Variants in GMDS observed in about 807,000 individuals in gnomAD.
GMDS encodes the protein GDP-mannose 4,6 dehydratase.
In GMDS, 20 loss-of-function variants were observed where a neutral mutation model predicts 49.9. The observed-to-expected ratio is 0.40, with a 90% CI of 0.28 to 0.58. The LOEUF is 0.58. Ranked by LOEUF, GMDS falls within the 20% of genes least tolerant of loss-of-function variation. The pLI, the probability that GMDS is intolerant of heterozygous loss-of-function variation, is 0.42. For synonymous variants in GMDS, 177 were observed against 178.6 expected (o/e 0.99, Z 0.07); for missense variants, 362 against 481.4 (o/e 0.75, Z 2.32).
At chr6:1,952,930 G>A (rs1230045584) in intron 6 of GMDS, among the ~76,000 whole-genome samples, 4 of 152,124 alleles carry the variant, frequency 2.6e-5, no homozygotes, top group Admixed American at 6.6e-5. Context: ...AGTGACTCAC[G>A]GCTGGTAACC....
At chr6:1,884,038 A>G (rs1314640834) in intron 7 of GMDS, among the ~76,000 whole-genome samples, 2 of 152,200 alleles carry the variant, frequency 1.3e-5, no homozygotes, top group Non-Finnish European at 2.9e-5. Context: ...TTTTGATTTA[A>G]TGTAATTACA....
chr6:1,652,739 G>GAC lies in GMDS; in HGVS notation c.988-28200_988-28199insGT, dbSNP rs1482372797. 8.6e-3 allele frequency among the ~76,000 whole-genome samples: 349 copies of GAC among 40,388 alleles called. 89 individuals are homozygous for GAC. Among genetic ancestry groups the GAC allele is most frequent in the African/African-American group, 0.011 (114 of 10,732 alleles). 26.5% of individuals were successfully genotyped at this position (40,388 alleles called of 152,430 possible). ...ATATATAGAGAGAGAGAGAGAGAGA[G>GAC]AGACAGACAGACAGACAGACAGACA... On this transcript the variant is annotated intron_variant, in intron 9 of 10. Coordinates refer to ENST00000380815, the MANE Select transcript of GMDS (RefSeq NM_001500.4).
chr6:1,679,246 G>T (rs1764714458), intron 9 of GMDS: 1 of 152,212 alleles, frequency 6.6e-6, no homozygotes, highest in Non-Finnish European at 1.5e-5. Context: ...GCTGGCACTG[G>T]ATCCAAACCT....
At chr6:1,938,951 T>C (rs540262198) in intron 6 of GMDS, among the ~76,000 whole-genome samples, 17 of 148,392 alleles carry the variant, frequency 1.1e-4, no homozygotes, top group Non-Finnish European at 2.2e-4. Flanking sequence ...TCCTCCCTTC[T>C]TTCCTCCCCT....
intron 8 of GMDS, among the ~76,000 whole-genome samples, chr6:1,740,444 C>T (rs1008012872): frequency 7.2e-5 from 11 of 151,762 alleles, no homozygotes; most frequent in African/African-American, 2.2e-4. Flanking sequence ...GTAATCCCAG[C>T]TACTTGGGAG....
At chr6:1,679,739 A>C (rs891193245) in intron 9 of GMDS, 2 of 152,280 alleles carry the variant, frequency 1.3e-5, no homozygotes, top group Admixed American at 1.3e-4. Flanking sequence ...CATTGCAGTC[A>C]AATAATATCT....
At chr6:1,722,750 C>T (rs1437070922) in intron 9 of GMDS, among the ~76,000 whole-genome samples, 1 of 152,210 alleles carries the variant, frequency 6.6e-6, no homozygotes, top group Non-Finnish European at 1.5e-5. Context: ...CACATTTGAG[C>T]ATAATTACCA....
At chr6:1,706,690 C>A (rs1276379854) in intron 9 of GMDS, among the ~76,000 whole-genome samples, 2 of 152,218 alleles carry the variant, frequency 1.3e-5, no homozygotes, top group Admixed American at 6.5e-5. Context: ...TGATTCCCAG[C>A]GTTTGCTCAC....
chr6:1,715,253 TAGAA>T (rs1207532270), intron 9 of GMDS, among the ~76,000 whole-genome samples: 1 of 152,224 alleles, frequency 6.6e-6, no homozygotes, highest in African/African-American at 2.4e-5. Context: ...GAATCTCAAA[TAGAA>T]AGAGGAACAT....
At chr6:2,075,849 T>A (rs2127463132) in intron 4 of GMDS, among the ~76,000 whole-genome samples, 1 of 152,344 alleles carries the variant, frequency 6.6e-6, no homozygotes, top group East Asian at 1.9e-4. Context: ...TCCACAATGG[T>A]TGAACTAGTT....
rs1012405246 is a variant in GMDS, at chr6:1,635,102, T to G, written c.988-10562A>C. ...ATCTCCTTTTTCACGATTTCAAGAT[T>G]AGAGAACAGGGACTCTTCCAAAAGA... On this transcript the variant is annotated intron_variant, in intron 9 of 10. Coordinates refer to ENST00000380815, the MANE Select transcript of GMDS (RefSeq NM_001500.4). This position sits in a 1 kb window ranked among gnomAD's most constrained non-coding sequence, Gnocchi z 4.7. Among the ~76,000 whole-genome samples the G allele has an allele frequency of 1.3e-5, 2 of 152,202 alleles. No homozygotes were observed. The highest frequency in any genetic ancestry group is 2.9e-5 in the Non-Finnish European group (2 of 68,030).
At chr6:1,826,006 G>C (rs1387160592) in intron 7 of GMDS, among the ~76,000 whole-genome samples, 1 of 151,976 alleles carries the variant, frequency 6.6e-6, no homozygotes, top group African/African-American at 2.4e-5. Flanking sequence ...ACAGATTGAG[G>C]CTCTCTCTCA....
At chr6:2,148,358 A>T (rs1363765806) in intron 1 of GMDS, among the ~76,000 whole-genome samples, 1 of 152,010 alleles carries the variant, frequency 6.6e-6, no homozygotes, top group Non-Finnish European at 1.5e-5. Flanking sequence ...TAAATATGAG[A>T]CTTACAAGCA....
chr6:2,182,760 C>T (rs1476927595), intron 1 of GMDS, among the ~76,000 whole-genome samples: 2 of 152,222 alleles, frequency 1.3e-5, no homozygotes, highest in Non-Finnish European at 1.5e-5. Flanking sequence ...GGCCAGAGTA[C>T]AGTGGTGCAA....
chr6:2,146,732 T>C (rs1351593493), intron 1 of GMDS, among the ~76,000 whole-genome samples: 1 of 152,218 alleles, frequency 6.6e-6, no homozygotes, highest in Non-Finnish European at 1.5e-5. Flanking sequence ...TTTTTCTTGG[T>C]TCTTCAGCTA....
At chr6:1,754,570 A>C (rs1179045053) in intron 7 of GMDS, among the ~76,000 whole-genome samples, 1 of 152,226 alleles carries the variant, frequency 6.6e-6, no homozygotes, top group Non-Finnish European at 1.5e-5. Context: ...GGTGAGACAC[A>C]ACAAAAAAAG....
intron 4 of GMDS, among the ~76,000 whole-genome samples, chr6:2,064,506 G>C (rs901508721): frequency 6.6e-6 from 1 of 152,178 alleles, no homozygotes; most frequent in African/African-American, 2.4e-5. Context: ...CTTGCTGACA[G>C]AGACATTGTG....
At chr6:1,643,843 A>C (rs116065276) in intron 9 of GMDS, among the ~76,000 whole-genome samples, 1 of 152,092 alleles carries the variant, frequency 6.6e-6, no homozygotes, top group African/African-American at 2.4e-5. Flanking sequence ...AAAAAAGTTG[A>C]AAGTCTCTTC....
At chr6:2,124,187 A>AC (rs1775293486) in intron 2 of GMDS, among the ~76,000 whole-genome samples, 1 of 152,246 alleles carries the variant, frequency 6.6e-6, no homozygotes, top group South Asian at 2.1e-4. Flanking sequence ...AATGGTGAAG[A>AC]CAACGACAAA....
Sources: gnomAD v4.1 joint callset for allele counts (sites outside exome capture counted in the v4.1 genomes callset) on GRCh38, gnomAD v4.1.1 for gene constraint, Gnocchi (gnomAD v3.1) non-coding constraint, MANE v1.5 for transcripts, NCBI Gene and HGNC (gene_info 2026-07-23, HGNC 2026-07-21) for gene names.